The following CRTC3 variants were observed in gnomAD, a reference collection of about 807,000 sequenced individuals.
CRTC3 encodes CREB-regulated transcription coactivator 3.
A neutral mutation model predicts 74.5 loss-of-function variants in CRTC3; 26 were observed. The observed-to-expected ratio is 0.35, with a 90% CI of 0.26 to 0.48. CRTC3 has a LOEUF of 0.48. Ranked by LOEUF, CRTC3 falls within the 20% of genes least tolerant of loss-of-function variation. The pLI, the probability that CRTC3 is intolerant of heterozygous loss-of-function variation, is 0.99. For synonymous variants in CRTC3, 377 were observed against 325.8 expected, an observed-to-expected ratio of 1.16 and a Z score of -1.69; for missense variants, 760 against 787.3, an observed-to-expected ratio of 0.97 and a Z score of 0.41.
intron 11 of CRTC3, chr15:90,638,172 G>A (rs750720863): frequency 2.7e-6 from 1 of 367,716 alleles, no homozygotes; most frequent in Non-Finnish European, 4.8e-6. Flanking sequence ...TGATTTTCAC[G>A]GAGAAAACTG....
At chr15:90,533,212 G>A (rs1197830907) in intron 1 of CRTC3, among the ~76,000 whole-genome samples, 1 of 149,222 alleles carries the variant, frequency 6.7e-6, no homozygotes, top group South Asian at 2.1e-4. Context: ...GACCATCCTG[G>A]CTAACACAGT....
intron 13 of CRTC3, among the ~76,000 whole-genome samples, chr15:90,639,864 G>A (rs1002454202): frequency 7.3e-5 from 11 of 151,456 alleles, no homozygotes; most frequent in Non-Finnish European, 1.5e-4. Context: ...TGGCTAACAC[G>A]GTGAAACCTT....
chr15:90,604,703 A>C (rs1015718729), intron 5 of CRTC3, among the ~76,000 whole-genome samples: 22 of 152,046 alleles, frequency 1.4e-4, no homozygotes, highest in Admixed American at 1.4e-3. Flanking sequence ...GCCTCAGTTT[A>C]CTCATTTGAA....
intron 2 of CRTC3, among the ~76,000 whole-genome samples, chr15:90,572,287 A>T (rs1276465599): frequency 6.6e-6 from 1 of 152,060 alleles, no homozygotes; most frequent in African/African-American, 2.4e-5. Context: ...CCCATCATTT[A>T]TATAACCAGT....
intron 11 of CRTC3, 58 bp downstream of exon 11, chr15:90,629,590 G>A (rs1351782578): frequency 1.3e-6 from 2 of 1,549,680 alleles, no homozygotes; most frequent in Non-Finnish European, 1.8e-6. Flanking sequence ...GATATAGGAA[G>A]TGCATTCCTC....
At chr15:90,570,525 TTA>T (rs1967239163) in intron 2 of CRTC3, among the ~76,000 whole-genome samples, 1 of 152,132 alleles carries the variant, frequency 6.6e-6, no homozygotes, top group Admixed American at 6.5e-5. Flanking sequence ...AATACATATG[TTA>T]TATAACACTC....
chr15:90,594,856 A>C (rs922232305), intron 3 of CRTC3: 3 of 152,132 alleles, frequency 2.0e-5, no homozygotes, highest in Non-Finnish European at 2.9e-5. Flanking sequence ...AGTGATGAGG[A>C]CCTTGTACAA....
intron 2 of CRTC3, among the ~76,000 whole-genome samples, chr15:90,574,827 C>T (rs1679481657): frequency 6.6e-6 from 1 of 151,982 alleles, no homozygotes; most frequent in South Asian, 2.1e-4. Flanking sequence ...GTTTATGAAC[C>T]ATTTGTATTA....
chr15:90,572,564 G>A (rs969590959), intron 2 of CRTC3, among the ~76,000 whole-genome samples: 1 of 151,836 alleles, frequency 6.6e-6, no homozygotes, highest in African/African-American at 2.4e-5. Context: ...TTCCCCACTG[G>A]ATATATCCTT....
chr15:90,628,218 A>G (rs7175600), intron 10 of CRTC3, among the ~76,000 whole-genome samples: 2 of 151,268 alleles, frequency 1.3e-5, no homozygotes, highest in African/African-American at 2.4e-5. Context: ...CTCTGTCTCA[A>G]AAAAAATAAT....
intron 11 of CRTC3, among the ~76,000 whole-genome samples, chr15:90,632,795 G>A (rs1969088264): frequency 6.6e-6 from 1 of 152,184 alleles, no homozygotes; most frequent in Admixed American, 6.5e-5. Flanking sequence ...AGTAGATACA[G>A]GGTTTTACCA....
intron 7 of CRTC3, among the ~76,000 whole-genome samples, chr15:90,616,788 C>T (rs753658024): frequency 6.6e-6 from 1 of 152,138 alleles, no homozygotes; most frequent in Non-Finnish European, 1.5e-5. Flanking sequence ...TGGAATGGTC[C>T]CTTTATACAG....
At position 90,607,433 on chromosome 15, in the gene CRTC3, C is replaced by A; in HGVS notation, c.532C>A (p.Pro178Thr). The change falls in exon 6 of 15, where the codon CCC (proline) becomes ACC (threonine). Residue 178 changes from proline (P) to threonine (T), a missense_variant. Pro to Thr is a conservative substitution (Grantham distance 38). This residue lies in a region of CRTC3 where 652 missense variants were observed against 635.2 expected (regional missense o/e 1.03). Coordinates refer to ENST00000268184, the MANE Select transcript of CRTC3 (RefSeq NM_022769.5). ...TGCTCTGAGTACCAAGCCCCAGGAC[C>A]CCTATGGAGGAGGGGGCCAGTCGGC... ...TSALSTKPQD[P>T]YGGGGQSAWP... 3 of 1,613,414 alleles carry A rather than the reference C, an allele frequency of 1.9e-6. No individual in the cohort carries two copies. The highest frequency in any genetic ancestry group is 1.7e-6 in the Non-Finnish European group (2 of 1,179,634).
chr15:90,634,710 G>A, intron 11 of CRTC3: 1 of 705,782 alleles, frequency 1.4e-6, no homozygotes, highest in Middle Eastern at 2.4e-4. Context: ...GTATGAGACT[G>A]AGGCGAAGGG....
intron 2 of CRTC3, among the ~76,000 whole-genome samples, chr15:90,585,904 T>G (rs1312280205): frequency 6.6e-6 from 1 of 152,188 alleles, no homozygotes; most frequent in Non-Finnish European, 1.5e-5. Flanking sequence ...CTTATCCATT[T>G]TTGTTATTTA....
At chr15:90,593,836 T>TC (rs778649285) in intron 3 of CRTC3, 81 bp downstream of exon 3, 207 of 1,426,864 alleles carry the variant, frequency 1.5e-4, no homozygotes, top group Non-Finnish European at 1.9e-4. Context: ...CCTGCAATTC[T>TC]CCTTTGGCCT....
intron 2 of CRTC3, among the ~76,000 whole-genome samples, chr15:90,587,942 C>T (rs1238843366): frequency 6.6e-6 from 1 of 151,342 alleles, no homozygotes; most frequent in African/African-American, 2.4e-5. Flanking sequence ...TGACTTACAC[C>T]TCCCTTGTTC....
At chr15:90,622,745 G>A (rs1968695821) in intron 9 of CRTC3, among the ~76,000 whole-genome samples, 1 of 152,128 alleles carries the variant, frequency 6.6e-6, no homozygotes, top group Non-Finnish European at 1.5e-5. Context: ...CAGCTACTCG[G>A]GAGGCTGAGG....
chr15:90,611,347 G>T (rs1413555056), intron 6 of CRTC3, among the ~76,000 whole-genome samples: 1 of 152,174 alleles, frequency 6.6e-6, no homozygotes, highest in Non-Finnish European at 1.5e-5. Flanking sequence ...CCGGCCCTCG[G>T]TGGCTCTGAG....
Sources: allele counts gnomAD v4.1 joint callset (sites outside exome capture counted in the v4.1 genomes callset), GRCh38; gene constraint gnomAD v4.1.1; regional missense constraint gnomAD v4.1.1; transcripts MANE v1.5; gene names NCBI Gene and HGNC (gene_info 2026-07-23, HGNC 2026-07-21).